RPN2: variants seen among roughly 807,000 people sequenced by gnomAD.
The protein encoded by RPN2 is ribophorin II.
RPN2 carries 29 observed loss-of-function variants against 71.4 expected under a neutral mutation model. The ratio of observed to expected loss-of-function variants is 0.41; its 90% CI spans 0.30 to 0.55. RPN2 has a LOEUF of 0.55. RPN2 is among the 20% of genes least tolerant of loss of function. RPN2 has a pLI of 0.35. For synonymous variants in RPN2, 308 were observed against 305.0 expected, an observed-to-expected ratio of 1.01 and a Z score of -0.10; for missense variants, 726 against 774.1, an observed-to-expected ratio of 0.94 and a Z score of 0.74.
At chr20:37,234,153 G>A (rs1362176491) in intron 15 of RPN2, 58 bp downstream of exon 15, 8 of 1,551,874 alleles carry the variant, frequency 5.2e-6, no homozygotes, top group Middle Eastern at 3.4e-4. Context: ...GCCTGCCCAC[G>A]CAAAAGCCCT....
chr20:37,220,897 C>T (rs1048467634), intron 9 of RPN2, among the ~76,000 whole-genome samples: 37 of 152,280 alleles, frequency 2.4e-4, no homozygotes, highest in African/African-American at 7.5e-4. Flanking sequence ...AACAGCCCTA[C>T]GGGTGTTTAT....
chr20:37,179,346 T>A lies in RPN2; in HGVS notation c.-11T>A. 1.7e-6 allele frequency: 2 copies of A among 1,188,546 alleles called. No individual in the cohort carries two copies. The highest frequency in any genetic ancestry group is 8.3e-5 in the East Asian group (2 of 24,044). 73.6% of individuals were successfully genotyped at this position (1,188,546 alleles called of 1,614,324 possible). ...CCGCGGCTCGGACTCCGGCGGGACC[T>A]GCTCGGAGGAATGGCGCCGCCGGGT... On this transcript the variant is annotated 5_prime_UTR_variant, in exon 1 of 17. Transcript: ENST00000237530.
At chr20:37,216,786 A>T (rs1273644674) in intron 9 of RPN2, among the ~76,000 whole-genome samples, 1 of 152,046 alleles carries the variant, frequency 6.6e-6, no homozygotes, top group African/African-American at 2.4e-5. Flanking sequence ...GAACATTTTT[A>T]AAGTTGTTTT....
At position 37,207,413 on chromosome 20, in the gene RPN2, C is replaced by T; in HGVS notation, c.831C>T (p.Gly277=). The change falls in exon 7 of 17, where the codon GGC becomes GGT. Residue 277 remains glycine (G), a synonymous_variant. Transcript: ENST00000237530. ...YHVPVVVVPE[G]SASDTHEQAI... is the part of the protein sequence containing the mutation. ...TGCCAGTTGTGGTTGTGCCTGAGGG[C>T]TCTGCTTCCGACACTCATGAACAGG... 1 of 1,614,216 alleles carries T rather than the reference C, an allele frequency of 6.2e-7. No individual in the cohort carries two copies. Among genetic ancestry groups the T allele is most frequent in the East Asian group, 2.2e-5 (1 of 44,884 alleles).
chr20:37,179,434 CG>C (rs1306356295), intron 1 of RPN2, 65 bp downstream of exon 1: 1 of 698,392 alleles, frequency 1.4e-6, no homozygotes, highest in Non-Finnish European at 1.7e-6. Context: ...AGTCGCCGCT[CG>C]AGAGCCGGCC....
Position 37,228,091 on chromosome 20 carries a change from C to G in RPN2, c.1300-459C>G, listed in dbSNP as rs3817884. On this transcript the variant is annotated intron_variant, in intron 11 of 16. Transcript: ENST00000237530. ...CTGCTTGATTAGAACTCTGCCTTAC[C>G]ATCAATACCCAAGCCTCCTCTACTA... Among the ~76,000 whole-genome samples the G allele has an allele frequency of 9.7e-4, 148 of 152,042 alleles. 1 individual carries two copies. The highest frequency in any genetic ancestry group is 3.3e-3 in the African/African-American group (137 of 41,454).
chr20:37,201,117 A>AT (rs932014777), intron 4 of RPN2, among the ~76,000 whole-genome samples: 1 of 151,036 alleles, frequency 6.6e-6, no homozygotes, highest in Non-Finnish European at 1.5e-5. Context: ...AAATGAGATA[A>AT]TAGGTGTGAA....
At chr20:37,236,794 A>G in intron 16 of RPN2, 85 bp downstream of exon 16, 2 of 1,414,534 alleles carry the variant, frequency 1.4e-6, no homozygotes, top group Non-Finnish European at 2.0e-6. Context: ...GGTAGGTGGC[A>G]AAATGATTTG....
intron 6 of RPN2, among the ~76,000 whole-genome samples, chr20:37,206,332 C>G (rs1455602598): frequency 1.3e-5 from 2 of 152,098 alleles, no homozygotes; most frequent in African/African-American, 4.8e-5. Context: ...AACTTTGCCT[C>G]AATGTACTAC....
chr20:37,203,616 ACGGGCGT>A (rs1347829117), intron 4 of RPN2, among the ~76,000 whole-genome samples: 3 of 152,214 alleles, frequency 2.0e-5, no homozygotes. Context: ...TGCTGGGATT[ACGGGCGT>A]GAGCCACTGC....
At position 37,204,875 on chromosome 20, in the gene RPN2, G is replaced by A. The variant is rs2146588421; in HGVS notation, c.664G>A (p.Val222Met). 6.2e-7 allele frequency: 1 copy of A among 1,614,180 alleles called. No individual in the cohort carries two copies. Residue 222 changes from valine (V) to methionine (M), a missense_variant, in exon 6 of 17, where the codon GTG becomes ATG. Transcript: ENST00000237530. ...TGCCACCTACAAGCTCATGGATCAT[G>A]TGGGGACTGAGCCATCCATTAAGGA... ...VAATYKLMDH[V>M]GTEPSIKEDQ...
rs1314608483 is a variant in RPN2 at position 37,207,258 on chromosome 20, T to G, written c.691-15T>G. 6.2e-7 allele frequency: 1 copy of G among 1,609,044 alleles called. No individual in the cohort carries two copies. Among genetic ancestry groups the G allele is most frequent in the Non-Finnish European group, 8.5e-7 (1 of 1,175,330 alleles). On this transcript the variant is annotated splice_polypyrimidine_tract_variant and intron_variant, in intron 6 of 16. Coordinates refer to ENST00000237530, the MANE Select transcript of RPN2 (RefSeq NM_002951.5). ...GCAGAGGAAGAGAAACAGCTGCATT[T>G]CGCATTTCTTTCAGGATCAGGTCAT...
chr20:37,189,323 ATGTGTGTGTGTG>A (rs11474653), intron 2 of RPN2, among the ~76,000 whole-genome samples: 15 of 64,602 alleles, frequency 2.3e-4, no homozygotes, highest in South Asian at 1.1e-3. Context: ...GTGTGTGTGT[ATGTGTGTGTGTG>A]TGTGTGTGTG....
intron 2 of RPN2, among the ~76,000 whole-genome samples, chr20:37,192,720 G>GT (rs1388910752): frequency 6.6e-6 from 1 of 152,224 alleles, no homozygotes; most frequent in Non-Finnish European, 1.5e-5. Flanking sequence ...TGCAACAATG[G>GT]TAAGTTTTAT....
intron 2 of RPN2, among the ~76,000 whole-genome samples, chr20:37,194,316 C>A (rs756744049): frequency 5.3e-5 from 8 of 152,076 alleles, no homozygotes; most frequent in Non-Finnish European, 1.2e-4. Context: ...GGCTGGAGTG[C>A]TGTGGCTCGA....
rs1253810194 is a variant in RPN2 at position 37,184,219 on chromosome 20, C to T, written c.53C>T (p.Ala18Val). 1.9e-6 allele frequency: 3 copies of T among 1,614,194 alleles called. No individual in the cohort carries two copies. In the South Asian group the frequency reaches 3.3e-5, roughly 18 times the overall value. ...TTCCTGTTGGCCCTGACAATCATAG[C>T]CAGCACCTGGGCTCTGACGCCCACT... ...TVFLLALTII[A>V]STWALTPTHY... The change falls in exon 2 of 17, where the codon GCC becomes GTC. Residue 18 changes from alanine (A) to valine (V), a missense_variant. Coordinates refer to ENST00000237530, the MANE Select transcript of RPN2 (RefSeq NM_002951.5).
chr20:37,183,874 C>T (rs986046219), intron 1 of RPN2, among the ~76,000 whole-genome samples: 14 of 152,174 alleles, frequency 9.2e-5, no homozygotes, highest in African/African-American at 3.4e-4. Flanking sequence ...GAGAGGCTGG[C>T]AAGGTGTGAG....
At chr20:37,201,577 C>T (rs1428264469) in intron 4 of RPN2, among the ~76,000 whole-genome samples, 4 of 152,144 alleles carry the variant, frequency 2.6e-5, no homozygotes, top group Admixed American at 1.3e-4. Flanking sequence ...GAAGAACATA[C>T]GCTTTGGAGC....
At chr20:37,224,030 C>A in intron 10 of RPN2, 61 bp downstream of exon 10, 1 of 1,405,576 alleles carries the variant, frequency 7.1e-7, no homozygotes. Flanking sequence ...GAGGAGTATG[C>A]CTAGGCACTG....
Sources: gnomAD v4.1 joint callset for allele counts (sites outside exome capture counted in the v4.1 genomes callset) on GRCh38, gnomAD v4.1.1 for gene constraint, MANE v1.5 for transcripts, NCBI Gene and HGNC (gene_info 2026-07-23, HGNC 2026-07-21) for gene names.